Variants in CELF4 observed in about 807,000 individuals in gnomAD.
CELF4 encodes CUGBP Elav-like family member 4.
CELF4 carries 18 observed loss-of-function variants against 59.9 expected under a neutral mutation model. The observed-to-expected ratio is 0.30, with a 90% CI of 0.21 to 0.45. CELF4 has a LOEUF of 0.45. Among genes scored for constraint, CELF4 ranks in the 20% least tolerant of loss-of-function variants. CELF4 has a pLI of 1.00. For missense variants in CELF4, 456 were observed against 689.0 expected, an observed-to-expected ratio of 0.66 and a Z score of 3.79; for synonymous variants, 261 against 267.1, an observed-to-expected ratio of 0.98 and a Z score of 0.22.
At chr18:37,518,938 A>G (rs2099953982) in intron 1 of CELF4, among the ~76,000 whole-genome samples, 4 of 152,250 alleles carry the variant, frequency 2.6e-5, no homozygotes, top group African/African-American at 9.6e-5. Context: ...AATTTTGCCT[A>G]TAGGTACAGG....
chr18:37,318,244 T>C lies in CELF4; in HGVS notation c.448+3559A>G, dbSNP rs571547017. ...CTCCCCTCGCACCACTGTGCCCCAG[T>C]CTTCCCTCACCCACTGTCTTCAAGG... On this transcript the variant is annotated intron_variant, in intron 3 of 12. Transcript: ENST00000420428. Among the ~76,000 whole-genome samples the C allele has an allele frequency of 4.0e-3, 602 of 151,082 alleles. 2 individuals are homozygous for C. Among genetic ancestry groups the C allele is most frequent in the Middle Eastern group, 0.017 (5 of 290 alleles).
intron 2 of CELF4, among the ~76,000 whole-genome samples, chr18:37,466,186 C>T (rs767170522): frequency 5.9e-5 from 9 of 152,204 alleles, no homozygotes; most frequent in East Asian, 1.9e-4. Context: ...CCCTCCCCAG[C>T]GGAGCTGAGC....
intron 2 of CELF4, among the ~76,000 whole-genome samples, chr18:37,453,826 C>A (rs2099770809): frequency 6.6e-6 from 1 of 152,168 alleles, no homozygotes; most frequent in African/African-American, 2.4e-5. Context: ...GCCTCTGTAC[C>A]ACCCTGGCAC....
At chr18:37,330,475 C>T (rs529103475) in intron 2 of CELF4, among the ~76,000 whole-genome samples, 2 of 152,304 alleles carry the variant, frequency 1.3e-5, no homozygotes, top group Admixed American at 6.5e-5. Context: ...GCATATGGTG[C>T]GTTCCATAGA....
intron 1 of CELF4, among the ~76,000 whole-genome samples, chr18:37,563,579 GA>G (rs1568419560): frequency 2.0e-5 from 3 of 152,188 alleles, no homozygotes; most frequent in African/African-American, 7.2e-5. Context: ...GGGAGGGGGG[GA>G]AAAAGAAAGT....
At chr18:37,375,621 G>A (rs1238126776) in intron 2 of CELF4, among the ~76,000 whole-genome samples, 1 of 152,176 alleles carries the variant, frequency 6.6e-6, no homozygotes, top group Non-Finnish European at 1.5e-5. Flanking sequence ...GAGGCCCAGA[G>A]AAGGAAGAGG....
At chr18:37,435,325 C>T (rs963778866) in intron 2 of CELF4, among the ~76,000 whole-genome samples, 1 of 152,192 alleles carries the variant, frequency 6.6e-6, no homozygotes, top group African/African-American at 2.4e-5. Flanking sequence ...AGCCCATTCC[C>T]CAGCCTGTCT....
intron 1 of CELF4, among the ~76,000 whole-genome samples, chr18:37,525,617 G>GAGGGGCGGGA (rs1305764645): frequency 1.4e-5 from 2 of 141,122 alleles, no homozygotes; most frequent in African/African-American, 5.1e-5. Context: ...GAGGGGTGGG[G>GAGGGGCGGGA]AGGGGCGGGA....
intron 2 of CELF4, among the ~76,000 whole-genome samples, chr18:37,414,340 A>G (rs1187936860): frequency 1.3e-5 from 2 of 151,252 alleles, no homozygotes; most frequent in Non-Finnish European, 2.9e-5. Context: ...TCATCCATCC[A>G]TCTATCTACC....
In CELF4 at chr18:37,254,209, G is replaced by A. The variant is rs555180875; in HGVS notation, c.1334-271C>T. 6.6e-6 allele frequency among the ~76,000 whole-genome samples: 1 copy of A among 151,060 alleles called. No homozygotes were observed. The highest frequency in any genetic ancestry group is 2.4e-5 in the African/African-American group (1 of 41,410). On this transcript the variant is annotated intron_variant, in intron 11 of 12. Transcript: ENST00000420428. This position sits in a 1 kb window ranked among gnomAD's most constrained non-coding sequence, Gnocchi z 5.1. ...GCCCGGCGCCCGCTCCCCAAGTGGG[G>A]CCCGCGGCCGGGCGGCGCTGGGAGA...
At chr18:37,322,727 A>C (rs2097167212) in intron 2 of CELF4, among the ~76,000 whole-genome samples, 1 of 152,140 alleles carries the variant, frequency 6.6e-6, no homozygotes, top group South Asian at 2.1e-4. Flanking sequence ...TTAAGCAACA[A>C]ACGTGAGGAG....
chr18:37,354,923 G>A (rs1330747915), intron 2 of CELF4, among the ~76,000 whole-genome samples: 1 of 152,276 alleles, frequency 6.6e-6, no homozygotes, highest in Non-Finnish European at 1.5e-5. Flanking sequence ...TGCCTATGGA[G>A]AGAGATATTT....
intron 2 of CELF4, among the ~76,000 whole-genome samples, chr18:37,342,391 C>T (rs2098086958): frequency 6.6e-6 from 1 of 152,154 alleles, no homozygotes; most frequent in Admixed American, 6.5e-5. Flanking sequence ...AAGGGTGGAA[C>T]AGTCTGAGAG....
At chr18:37,549,000 G>A (rs1030491409) in intron 1 of CELF4, among the ~76,000 whole-genome samples, 1 of 152,148 alleles carries the variant, frequency 6.6e-6, no homozygotes, top group East Asian at 1.9e-4. Flanking sequence ...ACCGTCCACC[G>A]AACAGATGCG....
chr18:37,247,656 CA>C (rs1568728200), intron 12 of CELF4: 1 of 151,922 alleles, frequency 6.6e-6, no homozygotes. Context: ...CACGCACACA[CA>C]TACACACATA....
At chr18:37,271,972 A>G (rs1459716332) in intron 7 of CELF4, among the ~76,000 whole-genome samples, 1 of 152,140 alleles carries the variant, frequency 6.6e-6, no homozygotes, top group East Asian at 1.9e-4. Context: ...TGTGGACCTG[A>G]GGTTGGCCAC....
chr18:37,419,303 G>A (rs1389348139), intron 2 of CELF4, among the ~76,000 whole-genome samples: 1 of 152,184 alleles, frequency 6.6e-6, no homozygotes, highest in Admixed American at 6.5e-5. Flanking sequence ...TATCTTCAGG[G>A]TCACAACTCA....
At chr18:37,284,712 G>C (rs1348426138) in intron 3 of CELF4, among the ~76,000 whole-genome samples, 1 of 152,228 alleles carries the variant, frequency 6.6e-6, no homozygotes, top group African/African-American at 2.4e-5. Context: ...GTGGTTGTAA[G>C]ATCAACAAGA....
intron 1 of CELF4, among the ~76,000 whole-genome samples, chr18:37,543,754 A>G (rs551291012): frequency 6.6e-6 from 1 of 152,382 alleles, no homozygotes; most frequent in South Asian, 2.1e-4. Context: ...ATTGGCAATG[A>G]AAATATTTAC....
Sources: gnomAD v4.1 joint callset for allele counts (sites outside exome capture counted in the v4.1 genomes callset) on GRCh38, gnomAD v4.1.1 for gene constraint, Gnocchi (gnomAD v3.1) non-coding constraint, MANE v1.5 for transcripts, NCBI Gene and HGNC (gene_info 2026-07-23, HGNC 2026-07-21) for gene names.